Variants in CCDC169 observed in about 807,000 individuals in gnomAD.
CCDC169 encodes the protein coiled-coil domain containing 169.
In CCDC169, 30 loss-of-function variants were observed where a neutral mutation model predicts 36.0. That is an observed-to-expected ratio of 0.83 (90% CI 0.62 to 1.13). The LOEUF (loss-of-function observed/expected upper bound fraction) is 1.13. Among genes scored for constraint, CCDC169 ranks in the 50% most tolerant of loss-of-function variants. CCDC169 has a pLI of 0.00. For synonymous variants in CCDC169, 85 were observed against 81.5 expected (o/e 1.04, Z -0.23); for missense variants, 245 against 245.9 (o/e 1.00, Z 0.03).
chr13:36,233,211 A>C (rs980133426), intron 7 of CCDC169, among the ~76,000 whole-genome samples: 27 of 125,804 alleles, frequency 2.1e-4, no homozygotes, highest in Non-Finnish European at 3.6e-4. Flanking sequence ...CTGACCCCTA[A>C]GCTAACTCAG....
In CCDC169 at chr13:36,231,015, G is replaced by A. The variant is rs1870358413; in HGVS notation, c.*178C>T. Reference sequence around the variant, plus strand: ...TTCTATTACATAGTTTAGGGTCACTGGAGAAAATTACTTTTATGCAGACAA... The same window carrying A: ...TTCTATTACATAGTTTAGGGTCACTAGAGAAAATTACTTTTATGCAGACAA... On this transcript the variant is annotated 3_prime_UTR_variant, in exon 8 of 8. Coordinates refer to ENST00000239859, the MANE Select transcript of CCDC169 (RefSeq NM_001144981.3). 2 of 1,392,096 alleles carry A rather than the reference G, an allele frequency of 1.4e-6. No individual in the cohort carries two copies. The highest frequency in any genetic ancestry group is 2.7e-5 in the East Asian group (1 of 37,184). 86.2% of individuals were successfully genotyped at this position (1,392,096 alleles called of 1,614,324 possible).
intron 2 of CCDC169, among the ~76,000 whole-genome samples, chr13:36,285,621 A>AGATAGATAG (rs371268581): frequency 2.2e-4 from 28 of 127,758 alleles, no homozygotes; most frequent in Admixed American, 3.2e-4. Flanking sequence ...ATAGATAGAT[A>AGATAGATAG]CATAGATACA....
rs1376833675 is a variant in CCDC169 at position 36,283,525 on chromosome 13, T to C, written c.275-16A>G. On this transcript the variant is annotated splice_polypyrimidine_tract_variant and intron_variant, in intron 3 of 7. Coordinates refer to ENST00000239859, the MANE Select transcript of CCDC169 (RefSeq NM_001144981.3). ...GATAGTCTATCTACAATAAATCAAA[T>C]ATGAGCACTTAATGTTTTATCAGTT... 6.4e-7 allele frequency: 1 copy of C among 1,550,744 alleles called. No homozygotes were observed. The highest frequency in any genetic ancestry group is 8.7e-7 in the Non-Finnish European group (1 of 1,146,364).
intron 4 of CCDC169, among the ~76,000 whole-genome samples, chr13:36,270,964 T>C (rs1329679454): frequency 6.6e-6 from 1 of 152,116 alleles, no homozygotes; most frequent in East Asian, 1.9e-4. Context: ...GCAAAAGACA[T>C]AATAATCACA....
chr13:36,267,467 C>A (rs994644810), intron 4 of CCDC169, among the ~76,000 whole-genome samples: 2 of 152,046 alleles, frequency 1.3e-5, no homozygotes, highest in Admixed American at 6.6e-5. Context: ...GAGTTCTAGA[C>A]CTTGAAACAA....
At chr13:36,283,283 C>G (rs1424882908) in intron 4 of CCDC169, 186 bp downstream of exon 4, 2 of 615,586 alleles carry the variant, frequency 3.2e-6, no homozygotes, top group Non-Finnish European at 5.7e-6. Flanking sequence ...GTGAATATAG[C>G]TGGCAACTTA....
intron 4 of CCDC169, among the ~76,000 whole-genome samples, chr13:36,254,652 G>C (rs1187680893): frequency 6.6e-6 from 1 of 152,214 alleles, no homozygotes; most frequent in Non-Finnish European, 1.5e-5. Flanking sequence ...ATTGTACTAA[G>C]TGTTTTTCTT....
intron 4 of CCDC169, among the ~76,000 whole-genome samples, chr13:36,272,684 CAGG>C (rs1303720196): frequency 1.3e-5 from 2 of 152,130 alleles, no homozygotes; most frequent in African/African-American, 4.8e-5. Flanking sequence ...TGGAGTAGGG[CAGG>C]AGAAGAGAGC....
At chr13:36,281,897 T>A (rs958104232) in intron 4 of CCDC169, among the ~76,000 whole-genome samples, 6 of 152,094 alleles carry the variant, frequency 3.9e-5, no homozygotes, top group Admixed American at 2.0e-4. Flanking sequence ...AAATTTTAAG[T>A]TATGTATATT....
intron 4 of CCDC169, among the ~76,000 whole-genome samples, chr13:36,275,323 G>C (rs557844177): frequency 2.0e-5 from 3 of 152,208 alleles, no homozygotes; most frequent in African/African-American, 7.2e-5. Flanking sequence ...ATAGGCAACT[G>C]CAACAATGAA....
At chr13:36,280,965 T>C (rs1369681525) in intron 4 of CCDC169, 1 of 172,256 alleles carries the variant, frequency 5.8e-6, no homozygotes, top group East Asian at 1.7e-4. Context: ...GGTGCCCATA[T>C]GATACAGTTC....
intron 2 of CCDC169, among the ~76,000 whole-genome samples, chr13:36,286,233 G>C (rs1878238545): frequency 6.6e-6 from 1 of 152,116 alleles, no homozygotes; most frequent in African/African-American, 2.4e-5. Context: ...TTTTCTTCCT[G>C]CTATGGTGTC....
chr13:36,269,265 T>C (rs1016913040), intron 4 of CCDC169, among the ~76,000 whole-genome samples: 1 of 152,018 alleles, frequency 6.6e-6, no homozygotes, highest in Non-Finnish European at 1.5e-5. Context: ...AGCAATGAGA[T>C]TGAATCAGTA....
At chr13:36,258,640 G>A (rs1330168418) in intron 4 of CCDC169, among the ~76,000 whole-genome samples, 1 of 152,110 alleles carries the variant, frequency 6.6e-6, no homozygotes, top group Non-Finnish European at 1.5e-5. Flanking sequence ...AAAAGGGAAG[G>A]AACCCTCATT....
chr13:36,281,428 CA>C (rs1182727089), intron 4 of CCDC169, among the ~76,000 whole-genome samples: 2 of 152,098 alleles, frequency 1.3e-5, no homozygotes, highest in African/African-American at 4.8e-5. Flanking sequence ...ATCTTACCTT[CA>C]GAGGAGAAAA....
rs920662710 is a variant in CCDC169 at position 36,297,706 on chromosome 13, C to A, written c.14G>T (p.Arg5Ile). 7 of 1,551,216 alleles carry A rather than the reference C, an allele frequency of 4.5e-6. No individual in the cohort carries two copies. The African/African-American group carries it at 9.6e-5, about 21-fold the overall frequency. Residue 5 changes from arginine to isoleucine, a missense_variant, in exon 1 of 8, where the codon AGA (arginine) becomes ATA (isoleucine). By Grantham distance (97) the Arg-to-Ile change is moderately conservative. Transcript: ENST00000239859. ...GCTCACACCGTCGAAGTTGTAGTTT[C>A]TCTCTTCCTTCATAGTGTCAGGCCA... MKEE[R>I]NYNFDGVSTN...
intron 4 of CCDC169, among the ~76,000 whole-genome samples, chr13:36,266,664 C>G (rs895773882): frequency 2.0e-5 from 3 of 152,208 alleles, no homozygotes; most frequent in Non-Finnish European, 4.4e-5. Flanking sequence ...TACTTGTTAA[C>G]AGTTCTCAGC....
intron 4 of CCDC169, among the ~76,000 whole-genome samples, chr13:36,255,587 C>T (rs1227877141): frequency 5.4e-5 from 8 of 148,742 alleles, no homozygotes; most frequent in Non-Finnish European, 1.2e-4. Context: ...GCTTGGAACC[C>T]AGGAGGCAGA....
chr13:36,240,351 C>T (rs1871642909), intron 7 of CCDC169, among the ~76,000 whole-genome samples: 1 of 151,830 alleles, frequency 6.6e-6, no homozygotes, highest in African/African-American at 2.4e-5. Context: ...TTTTACTAAC[C>T]TATTTTGTAC....
Sources: gnomAD v4.1 joint callset for allele counts (sites outside exome capture counted in the v4.1 genomes callset) on GRCh38, gnomAD v4.1.1 for gene constraint, MANE v1.5 for transcripts, NCBI Gene and HGNC (gene_info 2026-07-23, HGNC 2026-07-21) for gene names.